The following NEDD1 variants were observed in gnomAD, a reference collection of about 807,000 sequenced individuals.
NEDD1 encodes NEDD1 gamma-tubulin ring complex targeting factor, also known as protein NEDD1.
Under a neutral mutation model 74.0 loss-of-function variants are expected in NEDD1, and 33 were observed. That is an observed-to-expected ratio of 0.45 (90% CI 0.34 to 0.60). NEDD1 has a LOEUF of 0.60. Among genes scored for constraint, NEDD1 ranks in the 20% least tolerant of loss-of-function variants. The probability of loss-of-function intolerance (pLI) is 0.01; values close to 1 mark genes in which losing one functional copy is unlikely to be tolerated. For missense variants in NEDD1, 746 were observed against 776.5 expected, an observed-to-expected ratio of 0.96 and a Z score of 0.47; for synonymous variants, 250 against 264.4, an observed-to-expected ratio of 0.95 and a Z score of 0.53.
At position 96,933,849 on chromosome 12, in the gene NEDD1, C is replaced by T. The variant is rs75608999; in HGVS notation, c.490-1127C>T. On this transcript the variant is annotated intron_variant, in intron 6 of 15. Coordinates refer to ENST00000266742, the MANE Select transcript of NEDD1 (RefSeq NM_152905.4). ...AATGACAACATCAATACAAGTTTGA[C>T]AGTAACATTTTAGTAAAAAAGAAAA... 5.6e-3 allele frequency among the ~76,000 whole-genome samples: 849 copies of T among 152,202 alleles called. 14 individuals carry two copies. The highest frequency in any genetic ancestry group is 0.019 in the African/African-American group (800 of 41,540).
At chr12:96,913,840 G>A (rs1399837420) in intron 4 of NEDD1, among the ~76,000 whole-genome samples, 1 of 151,714 alleles carries the variant, frequency 6.6e-6, no homozygotes, top group Non-Finnish European at 1.5e-5. Context: ...TTTTCTAGCA[G>A]ATCTTAAATT....
In NEDD1 at chr12:96,928,474, T is replaced by C. The variant is rs186317044; in HGVS notation, c.490-6502T>C. On this transcript the variant is annotated intron_variant, in intron 6 of 15. Coordinates refer to ENST00000266742, the MANE Select transcript of NEDD1 (RefSeq NM_152905.4). ...AATTTAGTAGCAGGCTTACATTTCC[T>C]TTAAGGAGCTTAAGTGTTACCCTAT... is the stretch of plus-strand genomic sequence containing the variant. Among the ~76,000 whole-genome samples the C allele has an allele frequency of 7.2e-5, 11 of 152,284 alleles. No individual in the cohort carries two copies. In the East Asian group the frequency reaches 1.7e-3, roughly 24 times the overall value.
intron 5 of NEDD1, among the ~76,000 whole-genome samples, 185 bp from the exon 6 acceptor site, chr12:96,919,800 C>G (rs897899905): frequency 2.6e-5 from 4 of 152,210 alleles, no homozygotes; most frequent in African/African-American, 9.7e-5. Context: ...TCCATAATCT[C>G]TCTCTCTCGT....
chr12:96,919,525 G>A (rs1874833291), intron 5 of NEDD1, among the ~76,000 whole-genome samples: 1 of 152,024 alleles, frequency 6.6e-6, no homozygotes, highest in Non-Finnish European at 1.5e-5. Flanking sequence ...GCAATGTCTG[G>A]TTTCTTTCCC....
At chr12:96,922,138 C>T (rs1031214813) in intron 6 of NEDD1, among the ~76,000 whole-genome samples, 1 of 152,096 alleles carries the variant, frequency 6.6e-6, no homozygotes, top group African/African-American at 2.4e-5. Context: ...ATCATAGAAT[C>T]CTTGAACATT....
At chr12:96,938,778 T>A (rs1877374416) in intron 9 of NEDD1, among the ~76,000 whole-genome samples, 1 of 151,550 alleles carries the variant, frequency 6.6e-6, no homozygotes, top group Non-Finnish European at 1.5e-5. Flanking sequence ...TTTTGCCACA[T>A]TTGCTTCATC....
At position 96,940,557 on chromosome 12, in the gene NEDD1, CCTGTTCT is replaced by C; in HGVS notation, c.1246+23_1246+29del. 6.4e-7 allele frequency: 1 copy of C among 1,556,070 alleles called. No homozygotes were observed. Among genetic ancestry groups the C allele is most frequent in the Non-Finnish European group, 8.8e-7 (1 of 1,140,794 alleles). Reference sequence around the variant, plus strand: ...GAGATGGTAAGTCTGTTCAGAGGATCCTGTTCTCTTGCTGGTAGTTAATATTTTTATT... The same window carrying C: ...GAGATGGTAAGTCTGTTCAGAGGATCCTTGCTGGTAGTTAATATTTTTATT... On this transcript the variant is annotated intron_variant, in intron 10 of 15. Coordinates refer to ENST00000266742, the MANE Select transcript of NEDD1 (RefSeq NM_152905.4).
chr12:96,911,688 T>C (rs1035560065), intron 3 of NEDD1, among the ~76,000 whole-genome samples: 2 of 152,230 alleles, frequency 1.3e-5, no homozygotes, highest in African/African-American at 2.4e-5. Flanking sequence ...TCCTTTTTTT[T>C]CTATATTCTA....
chr12:96,943,024 CTT>C (rs1877822523), intron 11 of NEDD1, among the ~76,000 whole-genome samples: 1 of 152,176 alleles, frequency 6.6e-6, no homozygotes, highest in East Asian at 1.9e-4. Context: ...GAAGCCCTCT[CTT>C]AAGATTATGT....
intron 1 of NEDD1, 98 bp from the exon 2 acceptor site, chr12:96,907,506 C>G: frequency 9.7e-7 from 1 of 1,033,780 alleles, no homozygotes; most frequent in Non-Finnish European, 1.5e-6. Context: ...TCGCGCACCT[C>G]CCGGAGCCTT....
chr12:96,912,872 G>A (rs1034503495), intron 4 of NEDD1, 55 bp downstream of exon 4: 14 of 854,900 alleles, frequency 1.6e-5, no homozygotes, highest in African/African-American at 1.6e-4. Context: ...TGCTTGACTG[G>A]CAATTGCTTA....
At chr12:96,945,937 T>C in intron 14 of NEDD1, 88 bp downstream of exon 14, 1 of 798,818 alleles carries the variant, frequency 1.3e-6, no homozygotes, top group Non-Finnish European at 2.0e-6. Context: ...ATGTTGTTGG[T>C]TACTATTGTC....
chr12:96,917,526 T>C, intron 4 of NEDD1, 95 bp from the exon 5 acceptor site: 1 of 1,316,624 alleles, frequency 7.6e-7, no homozygotes, highest in Non-Finnish European at 9.9e-7. Context: ...ATTTAACCAA[T>C]ATTTATCATA....
chr12:96,917,764 GA>G, intron 5 of NEDD1, 27 bp downstream of exon 5: 1 of 1,534,068 alleles, frequency 6.5e-7, no homozygotes. Flanking sequence ...AAATCTTCAT[GA>G]AAAAATGGAT....
intron 11 of NEDD1, among the ~76,000 whole-genome samples, chr12:96,942,826 A>G (rs1448648993): frequency 2.0e-5 from 3 of 152,082 alleles, no homozygotes; most frequent in Non-Finnish European, 4.4e-5. Flanking sequence ...CAGGATGTCA[A>G]CCAGAGCTTC....
intron 6 of NEDD1, among the ~76,000 whole-genome samples, chr12:96,932,658 A>G (rs1347586157): frequency 2.0e-5 from 3 of 150,634 alleles, no homozygotes; most frequent in Admixed American, 6.7e-5. Flanking sequence ...TAGTATTATC[A>G]CAGAAATAAT....
At chr12:96,912,399 C>CT (rs1874010624) in intron 3 of NEDD1, among the ~76,000 whole-genome samples, 1 of 152,010 alleles carries the variant, frequency 6.6e-6, no homozygotes, top group African/African-American at 2.4e-5. Context: ...GCTGATGCTG[C>CT]TTTTATCATG....
chr12:96,912,393 A>G (rs1003161466), intron 3 of NEDD1, among the ~76,000 whole-genome samples: 1 of 152,102 alleles, frequency 6.6e-6, no homozygotes, highest in African/African-American at 2.4e-5. Flanking sequence ...ATATTTGCTG[A>G]TGCTGCTTTT....
At chr12:96,938,935 T>G (rs1877396789) in intron 9 of NEDD1, among the ~76,000 whole-genome samples, 1 of 152,068 alleles carries the variant, frequency 6.6e-6, no homozygotes, top group African/African-American at 2.4e-5. Context: ...GGCAATTCTC[T>G]TAACCTTTCT....
Sources: allele counts gnomAD v4.1 joint callset (sites outside exome capture counted in the v4.1 genomes callset), GRCh38; gene constraint gnomAD v4.1.1; transcripts MANE v1.5; gene names NCBI Gene and HGNC (gene_info 2026-07-23, HGNC 2026-07-21).